CNST: variants seen among roughly 807,000 people sequenced by gnomAD.
CNST encodes consortin, connexin sorting protein.
A neutral mutation model predicts 72.4 loss-of-function variants in CNST; 39 were observed. That is an observed-to-expected ratio of 0.54 (90% CI 0.42 to 0.70). CNST has a LOEUF of 0.70. Among genes scored for constraint, CNST ranks in the 30% least tolerant of loss-of-function variants. The pLI is 0.00. For synonymous variants in CNST, 332 were observed against 320.1 expected (o/e 1.04, Z -0.40); for missense variants, 871 against 868.5 (o/e 1.00, Z -0.04).
chr1:246,653,014 A>AG (rs1666572795), intron 9 of CNST, among the ~76,000 whole-genome samples: 2 of 152,076 alleles, frequency 1.3e-5, no homozygotes, highest in South Asian at 4.1e-4. Flanking sequence ...AAAAAAAAAA[A>AG]AAAAGAAAGC....
intron 9 of CNST, among the ~76,000 whole-genome samples, chr1:246,657,091 G>T (rs1229731757): frequency 1.3e-5 from 2 of 152,112 alleles, no homozygotes; most frequent in Non-Finnish European, 2.9e-5. Context: ...TGCCCTTCAA[G>T]TATGAAATTG....
chr1:246,641,071 A>T (rs1665656641), intron 6 of CNST, among the ~76,000 whole-genome samples: 1 of 152,188 alleles, frequency 6.6e-6, no homozygotes, highest in Admixed American at 6.5e-5. Flanking sequence ...GATCATGCAG[A>T]ATATAGATTT....
chr1:246,665,699 G>A lies in CNST; in HGVS notation c.1973-1G>A, dbSNP rs770504041. On this transcript the variant is annotated splice_acceptor_variant, in intron 10 of 10. Coordinates refer to ENST00000366513, the MANE Select transcript of CNST (RefSeq NM_152609.3). LOFTEE classifies it high-confidence loss of function. The stretch of plus-strand genomic sequence containing the variant: ...AACCTCACTCTTTCTCATGTTTGCA[G>A]ATGAAGTTGGAGGTGGCTCCTGTAT... 6.2e-7 allele frequency: 1 copy of A among 1,612,308 alleles called. No individual in the cohort carries two copies. The highest frequency in any genetic ancestry group is 8.5e-7 in the Non-Finnish European group (1 of 1,179,602).
intron 1 of CNST, among the ~76,000 whole-genome samples, chr1:246,585,465 G>A (rs1164506572): frequency 1.3e-5 from 2 of 151,194 alleles, no homozygotes; most frequent in African/African-American, 2.4e-5. Flanking sequence ...TGTCCAACAT[G>A]GCGAAACCCT....
chr1:246,663,465 G>A (rs1201378463), intron 10 of CNST, among the ~76,000 whole-genome samples: 1 of 152,080 alleles, frequency 6.6e-6, no homozygotes, highest in Non-Finnish European at 1.5e-5. Flanking sequence ...TTTAGACTGG[G>A]CGTGGTGGCT....
intron 2 of CNST, among the ~76,000 whole-genome samples, chr1:246,614,582 C>G (rs1572180092): frequency 6.6e-6 from 1 of 151,094 alleles, no homozygotes; most frequent in South Asian, 2.1e-4. Context: ...AGTGATTCTC[C>G]TGCCTCAGCC....
At chr1:246,648,680 G>A (rs1030438110) in intron 9 of CNST, among the ~76,000 whole-genome samples, 5 of 152,162 alleles carry the variant, frequency 3.3e-5, no homozygotes, top group African/African-American at 1.2e-4. Context: ...AGCAGAATTC[G>A]ATTGCCTTAG....
At chr1:246,598,819 G>A (rs2103035411) in intron 2 of CNST, among the ~76,000 whole-genome samples, 1 of 152,272 alleles carries the variant, frequency 6.6e-6, no homozygotes, top group African/African-American at 2.4e-5. Context: ...GATAGGGACT[G>A]GGGTTGATGT....
intron 10 of CNST, among the ~76,000 whole-genome samples, chr1:246,665,237 G>A (rs1386075066): frequency 6.6e-6 from 1 of 150,652 alleles, no homozygotes; most frequent in East Asian, 1.9e-4. Context: ...GCCAGGCATG[G>A]TGGCACAGGC....
intron 2 of CNST, among the ~76,000 whole-genome samples, chr1:246,605,014 G>A (rs1333920053): frequency 6.6e-6 from 1 of 152,064 alleles, no homozygotes; most frequent in African/African-American, 2.4e-5. Context: ...ATTTGTTAGA[G>A]AAACAAAATA....
intron 6 of CNST, among the ~76,000 whole-genome samples, chr1:246,636,438 G>A (rs1246906450): frequency 6.6e-6 from 1 of 152,064 alleles, no homozygotes; most frequent in Non-Finnish European, 1.5e-5. Context: ...GGGCTCCCCC[G>A]CATACCCAGC....
chr1:246,650,531 A>C (rs1186014897), intron 9 of CNST, among the ~76,000 whole-genome samples: 1 of 152,172 alleles, frequency 6.6e-6, no homozygotes, highest in Admixed American at 6.5e-5. Context: ...AATCACTAAT[A>C]CTTAATATTT....
At chr1:246,583,942 C>T (rs1660967727) in intron 1 of CNST, among the ~76,000 whole-genome samples, 1 of 151,728 alleles carries the variant, frequency 6.6e-6, no homozygotes, top group Non-Finnish European at 1.5e-5. Flanking sequence ...TGTAACTGTA[C>T]TTTTTTTTTC....
rs181390790 is a variant in CNST at position 246,583,045 on chromosome 1, G to A, written c.-51-8467G>A. ...GGATTTCATCTGTGTTTCTTGGGCAGGGGGGCCTGTAGGTATAGAAATGGA... is the reference window on the plus strand; with the variant it reads ...GGATTTCATCTGTGTTTCTTGGGCAAGGGGGCCTGTAGGTATAGAAATGGA... On this transcript the variant is annotated intron_variant, in intron 1 of 10. Coordinates refer to ENST00000366513, the MANE Select transcript of CNST (RefSeq NM_152609.3). Among the ~76,000 whole-genome samples the A allele has an allele frequency of 5.9e-5, 9 of 152,316 alleles. No individual in the cohort carries two copies. The East Asian group carries it at 1.5e-3, about 26-fold the overall frequency.
At position 246,647,421 on chromosome 1, in the gene CNST, C is replaced by T. The variant is rs1212857401; in HGVS notation, c.1220C>T (p.Ala407Val). The T allele has an allele frequency of 6.2e-7, 1 of 1,614,142 alleles. No homozygotes were observed. The highest frequency in any genetic ancestry group is 1.3e-5 in the African/African-American group (1 of 75,028). Reference sequence around the variant, plus strand: ...CGCTTGCAGCTGGCTCAAACAGAGGCCTGCCAGGATGTGGCCAGAATAGAG... The same window carrying T: ...CGCTTGCAGCTGGCTCAAACAGAGGTCTGCCAGGATGTGGCCAGAATAGAG... ...DSRLQLAQTE[A>V]CQDVARIEGI... is the part of the protein sequence containing the mutation. The change falls in exon 9 of 11, where the codon GCC (alanine) becomes GTC (valine). Residue 407 changes from alanine to valine, a missense_variant. Physicochemically the swap from Ala to Val is moderately conservative, Grantham distance 64. Coordinates refer to ENST00000366513, the MANE Select transcript of CNST (RefSeq NM_152609.3).
At chr1:246,602,610 C>G (rs1662365009) in intron 2 of CNST, among the ~76,000 whole-genome samples, 1 of 152,192 alleles carries the variant, frequency 6.6e-6, no homozygotes, top group Non-Finnish European at 1.5e-5. Context: ...TCCATCACTT[C>G]TGCATATTCC....
At chr1:246,661,366 C>T (rs1281689304) in intron 10 of CNST, among the ~76,000 whole-genome samples, 2 of 152,204 alleles carry the variant, frequency 1.3e-5, no homozygotes, top group African/African-American at 4.8e-5. Flanking sequence ...GATCCACCCA[C>T]CTCGGCCTCC....
chr1:246,634,975 G>A (rs7518393), intron 6 of CNST, among the ~76,000 whole-genome samples: 92 of 31,848 alleles, frequency 2.9e-3, no homozygotes, highest in Non-Finnish European at 3.2e-3. Flanking sequence ...CGGCCGGGGT[G>A]CGTGTCTTCC....
intron 3 of CNST, 52 bp from the exon 4 acceptor site, chr1:246,631,842 T>C (rs1291018908): frequency 2.8e-6 from 3 of 1,069,870 alleles, no homozygotes; most frequent in African/African-American, 3.2e-5. Flanking sequence ...AAATTTATCT[T>C]CTCATCCAAG....
Sources: gnomAD v4.1 joint callset for allele counts (sites outside exome capture counted in the v4.1 genomes callset) on GRCh38, gnomAD v4.1.1 for gene constraint, MANE v1.5 for transcripts, NCBI Gene and HGNC (gene_info 2026-07-23, HGNC 2026-07-21) for gene names.